PTPRM: variants seen among roughly 807,000 people sequenced by gnomAD.
The protein encoded by PTPRM is protein tyrosine phosphatase receptor type M.
A neutral mutation model predicts 186.7 loss-of-function variants in PTPRM; 47 were observed. The observed-to-expected ratio is 0.25, with a 90% confidence interval of 0.20 to 0.32. PTPRM has a LOEUF of 0.32. Among genes scored for constraint, PTPRM ranks in the 10% least tolerant of loss-of-function variants. The probability of loss-of-function intolerance (pLI) is 1.00; values close to 1 mark genes in which losing one functional copy is unlikely to be tolerated. For missense variants in PTPRM, 1,494 were observed against 1,865.0 expected (o/e 0.80, Z 3.66); for synonymous variants, 668 against 674.9 (o/e 0.99, Z 0.16).
rs189569041 is a variant in PTPRM at position 8,113,826 on chromosome 18, A to C, written c.2130+67A>C. The C allele has an allele frequency of 9.1e-5, 126 of 1,381,430 alleles. No homozygotes were observed. In the Admixed American group the frequency reaches 1.3e-3, roughly 14 times the overall value. 85.6% of individuals were successfully genotyped at this position (1,381,430 alleles called of 1,614,324 possible). A position where few individuals can be genotyped will look rare whatever the true frequency, so the allele number is the denominator to read the frequency against. ...TGTTAATGTGAACATAGATTAAGTA[A>C]AATAGTAGTAAAATGGAAGTCATGC... On this transcript the variant is annotated intron_variant, in intron 12 of 32. Coordinates refer to ENST00000580170, the MANE Select transcript of PTPRM (RefSeq NM_001105244.2).
chr18:8,001,428 C>T (rs1159187503), intron 7 of PTPRM, among the ~76,000 whole-genome samples: 4 of 152,136 alleles, frequency 2.6e-5, no homozygotes, highest in South Asian at 4.2e-4. Context: ...TTGGTGCATG[C>T]GAATGGGTGT....
intron 7 of PTPRM, among the ~76,000 whole-genome samples, chr18:7,961,286 C>T (rs990567749): frequency 6.6e-5 from 10 of 152,294 alleles, no homozygotes; most frequent in African/African-American, 2.4e-4. Context: ...CTCCACTCCC[C>T]TTCCCCATAA....
intron 13 of PTPRM, among the ~76,000 whole-genome samples, chr18:8,118,810 AAAT>A (rs1177430817): frequency 2.2e-5 from 3 of 137,240 alleles, no homozygotes; most frequent in Non-Finnish European, 3.1e-5. Flanking sequence ...AAAAAAAAAA[AAAT>A]ATATATATAT....
intron 5 of PTPRM, among the ~76,000 whole-genome samples, chr18:7,940,331 G>C (rs758367922): frequency 7.9e-5 from 12 of 152,176 alleles, no homozygotes; most frequent in Admixed American, 3.9e-4. Context: ...GGGAGATAGA[G>C]AGCAACTATG....
chr18:7,687,582 A>G (rs1056859713), intron 1 of PTPRM, among the ~76,000 whole-genome samples: 3 of 152,170 alleles, frequency 2.0e-5, no homozygotes, highest in African/African-American at 7.2e-5. Context: ...GAATAATTTA[A>G]GTTTCCATTT....
intron 14 of PTPRM, among the ~76,000 whole-genome samples, chr18:8,221,833 G>C (rs2094156666): frequency 6.6e-6 from 1 of 152,238 alleles, no homozygotes; most frequent in Non-Finnish European, 1.5e-5. Context: ...TAAACAGACT[G>C]TAACCTACCA....
intron 7 of PTPRM, among the ~76,000 whole-genome samples, chr18:8,047,403 T>C (rs994022223): frequency 2.0e-5 from 3 of 152,208 alleles, no homozygotes; most frequent in Non-Finnish European, 2.9e-5. Context: ...ATATGATAAT[T>C]CTTATTTTGT....
At chr18:8,376,751 C>T in intron 26 of PTPRM, 154 bp downstream of exon 26, 2 of 986,690 alleles carry the variant, frequency 2.0e-6, no homozygotes, top group Non-Finnish European at 2.8e-6. Flanking sequence ...CCCTCCCTTC[C>T]CCCTTTTTGT....
intron 4 of PTPRM, among the ~76,000 whole-genome samples, chr18:7,914,802 G>A (rs1050201906): frequency 1.6e-4 from 24 of 152,066 alleles, no homozygotes; most frequent in African/African-American, 5.8e-4. Flanking sequence ...GCAGTACCAG[G>A]CTGTTCTTTT....
At position 8,289,563 on chromosome 18, in the gene PTPRM, C is replaced by CAT. The variant is rs72435328; in HGVS notation, c.2755-6793_2755-6792dup. ...ATATATATATATACATATATATACACATATATATATATACATATATATATA... is the reference window on the plus strand; with the variant it reads ...ATATATATATATACATATATATACACATATATATATATATACATATATATATA... On this transcript the variant is annotated intron_variant, in intron 19 of 32. Coordinates refer to ENST00000580170, the MANE Select transcript of PTPRM (RefSeq NM_001105244.2). 1.0e-4 allele frequency among the ~76,000 whole-genome samples: 11 copies of CAT among 106,222 alleles called. 1 individual carries two copies. The highest frequency in any genetic ancestry group is 5.7e-4 in the South Asian group (2 of 3,498). 69.7% of individuals were successfully genotyped at this position (106,222 alleles called of 152,430 possible).
At chr18:7,972,574 A>T (rs2054628560) in intron 7 of PTPRM, among the ~76,000 whole-genome samples, 1 of 150,992 alleles carries the variant, frequency 6.6e-6, no homozygotes, top group South Asian at 2.1e-4. Flanking sequence ...ATTTGAAAAA[A>T]TATACATATT....
At chr18:7,653,005 G>T (rs558489453) in intron 1 of PTPRM, among the ~76,000 whole-genome samples, 1 of 151,632 alleles carries the variant, frequency 6.6e-6, no homozygotes, top group African/African-American at 2.4e-5. Flanking sequence ...ATAGGCAAAA[G>T]ATCTGAACAG....
chr18:7,932,214 G>A (rs574060953), intron 5 of PTPRM, among the ~76,000 whole-genome samples: 2 of 152,308 alleles, frequency 1.3e-5, no homozygotes, highest in Non-Finnish European at 2.9e-5. Context: ...CAGGCTAGGG[G>A]TTGAGGTGTG....
At chr18:7,644,542 A>G (rs1385470925) in intron 1 of PTPRM, among the ~76,000 whole-genome samples, 5 of 152,182 alleles carry the variant, frequency 3.3e-5, no homozygotes, top group African/African-American at 1.2e-4. Flanking sequence ...TAATTAATTT[A>G]CAAGATTACT....
chr18:7,620,861 T>C (rs1377152383), intron 1 of PTPRM, among the ~76,000 whole-genome samples: 1 of 152,030 alleles, frequency 6.6e-6, no homozygotes, highest in Non-Finnish European at 1.5e-5. Context: ...AAAAGCCAGT[T>C]CAAATAGATC....
chr18:8,375,930 T>C, intron 24 of PTPRM, 116 bp from the exon 25 acceptor site: 1 of 1,138,648 alleles, frequency 8.8e-7, no homozygotes, highest in Non-Finnish European at 1.3e-6. Context: ...AGTCCACTGT[T>C]TCCTGGCCCT....
At position 7,567,844 on chromosome 18, in the gene PTPRM, C is replaced by A. The variant is rs1214559954; in HGVS notation, c.26C>A (p.Ala9Glu). ...ATGAGGGGACTTGGGACTTGCCTGG[C>A]GACTTTGGCCGGACTTTTGCTAACT... is the stretch of plus-strand genomic sequence containing the variant. The part of the protein sequence containing the change: MRGLGTCL[A>E]TLAGLLLTAA... The change falls in exon 1 of 33, where the codon GCG becomes GAG. Residue 9 changes from alanine (A) to glutamate (E), a missense_variant. Coordinates refer to ENST00000580170, the MANE Select transcript of PTPRM (RefSeq NM_001105244.2). The surrounding 1 kb of genome is among the most constrained non-coding windows in gnomAD (Gnocchi z 4.3). 1 of 1,563,720 alleles carries A rather than the reference C, an allele frequency of 6.4e-7. No individual in the cohort carries two copies. Among genetic ancestry groups the A allele is most frequent in the Non-Finnish European group, 8.6e-7 (1 of 1,158,578 alleles).
chr18:7,675,183 G>A (rs1177083135), intron 1 of PTPRM, among the ~76,000 whole-genome samples: 1 of 152,172 alleles, frequency 6.6e-6, no homozygotes, highest in Admixed American at 6.5e-5. Context: ...AATGTTATCA[G>A]TCTTTTTGGG....
intron 23 of PTPRM, among the ~76,000 whole-genome samples, chr18:8,344,448 G>GTGTGTGTGTGTGTATATATATA (rs1360655194): frequency 3.0e-5 from 1 of 33,416 alleles, no homozygotes; most frequent in Admixed American, 1.7e-4. Context: ...GTGTGTGTGT[G>GTGTGTGTGTGTGTATATATATA]TATATATATA....
Sources: allele counts gnomAD v4.1 joint callset (sites outside exome capture counted in the v4.1 genomes callset), GRCh38; gene constraint gnomAD v4.1.1; non-coding constraint Gnocchi (gnomAD v3.1); transcripts MANE v1.5; gene names NCBI Gene and HGNC (gene_info 2026-07-23, HGNC 2026-07-21).